Variants in B3GALT1 observed in about 807,000 individuals in gnomAD.
B3GALT1 encodes the protein beta-1,3-galactosyltransferase 1.
Under a neutral mutation model 23.2 loss-of-function variants are expected in B3GALT1, and 10 were observed. That is an observed-to-expected ratio of 0.43 (90% CI 0.27 to 0.73). The LOEUF (loss-of-function observed/expected upper bound fraction) is 0.73. B3GALT1 is among the 30% of genes least tolerant of loss of function. The probability of loss-of-function intolerance (pLI) is 0.21; values close to 1 mark genes in which losing one functional copy is unlikely to be tolerated. For synonymous variants in B3GALT1, 156 were observed against 141.5 expected (o/e 1.10, Z -0.73); for missense variants, 299 against 405.4 (o/e 0.74, Z 2.25).
At chr2:167,785,185 T>A (rs1688320556) in intron 3 of B3GALT1, among the ~76,000 whole-genome samples, 1 of 152,134 alleles carries the variant, frequency 6.6e-6, no homozygotes. Flanking sequence ...GGCCAAGAAT[T>A]TTATAGACAA....
intron 3 of B3GALT1, among the ~76,000 whole-genome samples, chr2:167,761,273 G>A (rs145657226): frequency 2.6e-4 from 39 of 152,306 alleles, no homozygotes; most frequent in African/African-American, 7.0e-4. Context: ...TTGATACAAA[G>A]CATCATTTCC....
intron 1 of B3GALT1, among the ~76,000 whole-genome samples, chr2:167,363,757 G>A (rs1159442166): frequency 6.6e-6 from 1 of 152,072 alleles, no homozygotes; most frequent in Admixed American, 6.6e-5. Context: ...GTTTTTGAGG[G>A]CAGAATTTCC....
rs551336737 is a variant in B3GALT1 at position 167,811,867 on chromosome 2, CA to C, written c.-351-6803del. On this transcript the variant is annotated intron_variant, in intron 3 of 4. Transcript: ENST00000392690. Reference sequence around the variant, plus strand: ...ATTGTTTTCCCAGCACATATCAGGTCAAGATGCCATCCTTTAAATTAAGAGA... The same window carrying C: ...ATTGTTTTCCCAGCACATATCAGGTCAGATGCCATCCTTTAAATTAAGAGA... 2.3e-4 allele frequency among the ~76,000 whole-genome samples: 35 copies of C among 152,282 alleles called. No homozygotes were observed. The East Asian group carries it at 5.8e-3, about 25-fold the overall frequency.
At chr2:167,691,337 A>G (rs890017416) in intron 3 of B3GALT1, among the ~76,000 whole-genome samples, 1 of 152,146 alleles carries the variant, frequency 6.6e-6, no homozygotes, top group Non-Finnish European at 1.5e-5. Context: ...CTAATCACAA[A>G]TAAACATCTT....
At chr2:167,361,245 C>T (rs1697495546) in intron 1 of B3GALT1, among the ~76,000 whole-genome samples, 1 of 141,732 alleles carries the variant, frequency 7.1e-6, no homozygotes, top group African/African-American at 2.6e-5. Flanking sequence ...CAGTGGGATC[C>T]AGCAAACGTC....
chr2:167,483,773 A>G (rs1482521038), intron 1 of B3GALT1, among the ~76,000 whole-genome samples: 1 of 152,202 alleles, frequency 6.6e-6, no homozygotes, highest in Non-Finnish European at 1.5e-5. Flanking sequence ...ACTTGAAACT[A>G]TATGTTAAAT....
At chr2:167,388,976 G>T (rs1190400653) in intron 1 of B3GALT1, among the ~76,000 whole-genome samples, 2 of 152,174 alleles carry the variant, frequency 1.3e-5, no homozygotes, top group African/African-American at 4.8e-5. Context: ...TGTTTCTTTT[G>T]TGGACAAAAT....
intron 1 of B3GALT1, among the ~76,000 whole-genome samples, chr2:167,310,395 T>C (rs778185060): frequency 6.6e-6 from 1 of 152,024 alleles, no homozygotes; most frequent in African/African-American, 2.4e-5. Flanking sequence ...AAAACACTGA[T>C]GGAAGGATAG....
At chr2:167,789,284 A>T (rs755394680) in intron 3 of B3GALT1, among the ~76,000 whole-genome samples, 5 of 152,132 alleles carry the variant, frequency 3.3e-5, no homozygotes, top group Non-Finnish European at 7.4e-5. Flanking sequence ...CATTATTTAT[A>T]CAAGTATGTA....
At chr2:167,795,690 G>A (rs56116147) in intron 3 of B3GALT1, among the ~76,000 whole-genome samples, 17,154 of 152,014 alleles carry the variant, frequency 0.11, 1,319 homozygotes, top group African/African-American at 0.21. Context: ...ATGCTGGTTG[G>A]TTTTCTCATT....
chr2:167,561,094 A>AT lies in B3GALT1; in HGVS notation c.-410+70818dup, dbSNP rs547290253. ...CAGCAAATGTAAAAGAACAGAAATT[A>AT]TAACAAACTCTCTCAGACCACAGTG... On this transcript the variant is annotated intron_variant, in intron 2 of 4. Coordinates refer to ENST00000392690, the MANE Select transcript of B3GALT1 (RefSeq NM_020981.4). 5.5e-3 allele frequency among the ~76,000 whole-genome samples: 834 copies of AT among 152,326 alleles called. 11 individuals are homozygous for AT. The highest frequency in any genetic ancestry group is 5.6e-3 in the Non-Finnish European group (379 of 68,034).
intron 2 of B3GALT1, among the ~76,000 whole-genome samples, chr2:167,543,112 G>C (rs1683561679): frequency 6.6e-6 from 1 of 152,076 alleles, no homozygotes; most frequent in Non-Finnish European, 1.5e-5. Context: ...TCTCAGCTCA[G>C]TCAATAACAG....
intron 3 of B3GALT1, among the ~76,000 whole-genome samples, chr2:167,721,562 C>T (rs1386771372): frequency 6.6e-6 from 1 of 152,080 alleles, no homozygotes; most frequent in Non-Finnish European, 1.5e-5. Context: ...ACACAGACAC[C>T]AGCTAGAAAT....
intron 1 of B3GALT1, among the ~76,000 whole-genome samples, chr2:167,413,461 A>C (rs999883075): frequency 7.2e-5 from 11 of 152,020 alleles, no homozygotes; most frequent in Non-Finnish European, 1.5e-4. Context: ...AGAGGGTATG[A>C]TAAAATCCTC....
intron 3 of B3GALT1, among the ~76,000 whole-genome samples, chr2:167,752,454 G>A (rs1687753178): frequency 6.6e-6 from 1 of 151,800 alleles, no homozygotes; most frequent in African/African-American, 2.4e-5. Context: ...GGAGACCTAC[G>A]TGATGTTGCA....
intron 3 of B3GALT1, among the ~76,000 whole-genome samples, chr2:167,740,775 A>AT (rs1462727407): frequency 1.3e-5 from 2 of 152,294 alleles, no homozygotes; most frequent in South Asian, 2.1e-4. Flanking sequence ...TCATATTTAG[A>AT]TTTTGTTCAA....
chr2:167,627,776 C>G (rs1329763237), intron 2 of B3GALT1, among the ~76,000 whole-genome samples: 1 of 151,570 alleles, frequency 6.6e-6, no homozygotes, highest in Non-Finnish European at 1.5e-5. Context: ...TGGCTGTACC[C>G]ATTTGTGTTC....
At chr2:167,532,785 T>C (rs1683350544) in intron 2 of B3GALT1, among the ~76,000 whole-genome samples, 1 of 152,098 alleles carries the variant, frequency 6.6e-6, no homozygotes, top group African/African-American at 2.4e-5. Flanking sequence ...TATCCTGTTT[T>C]ATAGCTTTCT....
chr2:167,788,139 A>T (rs1257715129), intron 3 of B3GALT1, among the ~76,000 whole-genome samples: 1 of 152,016 alleles, frequency 6.6e-6, no homozygotes, highest in Non-Finnish European at 1.5e-5. Context: ...ACCCCTGACC[A>T]GGTCTGAGCT....
Sources: gnomAD v4.1 joint callset for allele counts (sites outside exome capture counted in the v4.1 genomes callset) on GRCh38, gnomAD v4.1.1 for gene constraint, MANE v1.5 for transcripts, NCBI Gene and HGNC (gene_info 2026-07-23, HGNC 2026-07-21) for gene names.